Variants in PCDH7 observed in about 807,000 individuals in gnomAD.
The protein encoded by PCDH7 is protocadherin-7.
PCDH7 carries 17 observed loss-of-function variants against 58.9 expected under a neutral mutation model. That is an observed-to-expected ratio of 0.29 (90% confidence interval 0.20 to 0.43). The LOEUF (loss-of-function observed/expected upper bound fraction) is 0.43. PCDH7 is among the 20% of genes least tolerant of loss of function. The pLI is 1.00. For synonymous variants in PCDH7, 664 were observed against 616.4 expected (o/e 1.08, Z -1.14); for missense variants, 1,274 against 1,441.0 (o/e 0.88, Z 1.88).
At chr4:30,908,936 A>G (rs534959110) in intron 1 of PCDH7, among the ~76,000 whole-genome samples, 1 of 152,312 alleles carries the variant, frequency 6.6e-6, no homozygotes, top group South Asian at 2.1e-4. Flanking sequence ...CCTCGATAAA[A>G]TACTGGCAAA....
chr4:30,881,315 C>A (rs550625111), intron 1 of PCDH7, among the ~76,000 whole-genome samples: 1 of 152,068 alleles, frequency 6.6e-6, no homozygotes, highest in African/African-American at 2.4e-5. Flanking sequence ...CGCTGTACTC[C>A]AGCCTGGGTG....
At chr4:30,815,133 C>T (rs975017343) in intron 1 of PCDH7, among the ~76,000 whole-genome samples, 6 of 151,808 alleles carry the variant, frequency 4.0e-5, no homozygotes, top group African/African-American at 1.4e-4. Context: ...TGTATATGTG[C>T]ATGCATATAT....
At chr4:30,817,026 T>A (rs1298142997) in intron 1 of PCDH7, among the ~76,000 whole-genome samples, 1 of 152,274 alleles carries the variant, frequency 6.6e-6, no homozygotes, top group East Asian at 1.9e-4. Context: ...GAGAAGTCAT[T>A]AACAATACCG....
At chr4:31,085,589 G>C in intron 3 of PCDH7, among the ~76,000 whole-genome samples, 1 of 102,158 alleles carries the variant, frequency 9.8e-6, no homozygotes, top group Non-Finnish European at 1.9e-5. Context: ...AGTTAAGTTA[G>C]ATCTCTTTCA....
intron 3 of PCDH7, among the ~76,000 whole-genome samples, chr4:30,962,739 G>A (rs933572389): frequency 1.5e-4 from 20 of 129,752 alleles, no homozygotes; most frequent in African/African-American, 4.9e-4. Flanking sequence ...CCATGATCAC[G>A]CCACTGCAGC....
At chr4:31,072,367 G>A (rs1404525299) in intron 3 of PCDH7, among the ~76,000 whole-genome samples, 4 of 152,092 alleles carry the variant, frequency 2.6e-5, no homozygotes, top group Non-Finnish European at 4.4e-5. Flanking sequence ...TAAAGAGCCT[G>A]TAAATGTATA....
chr4:30,812,821 T>C (rs1214759158), intron 1 of PCDH7, among the ~76,000 whole-genome samples: 2 of 152,234 alleles, frequency 1.3e-5, no homozygotes, highest in Non-Finnish European at 2.9e-5. Context: ...ATAAAAGCTG[T>C]AGTGAATAGT....
chr4:30,938,481 TAC>T (rs35485597), intron 2 of PCDH7, among the ~76,000 whole-genome samples: 70,399 of 148,424 alleles, frequency 0.47, 16,586 homozygotes, highest in African/African-American at 0.55. Context: ...GGGAAAAACA[TAC>T]ACACACACAC....
chr4:30,809,255 T>A (rs1726666228), intron 1 of PCDH7, among the ~76,000 whole-genome samples: 1 of 152,184 alleles, frequency 6.6e-6, no homozygotes. Flanking sequence ...CTGGATAGCA[T>A]TATCAAATCG....
intron 3 of PCDH7, among the ~76,000 whole-genome samples, chr4:30,979,108 C>T (rs562573818): frequency 4.6e-5 from 7 of 151,874 alleles, no homozygotes; most frequent in African/African-American, 1.7e-4. Context: ...AGGCAGATCA[C>T]GAGGTCAGGA....
chr4:30,840,437 G>A (rs1731062024), intron 1 of PCDH7, among the ~76,000 whole-genome samples: 1 of 152,000 alleles, frequency 6.6e-6, no homozygotes, highest in South Asian at 2.1e-4. Flanking sequence ...TCCCCTCTTT[G>A]CCTTATTACG....
intron 3 of PCDH7, among the ~76,000 whole-genome samples, chr4:31,005,747 A>G (rs1253492949): frequency 6.6e-6 from 1 of 152,210 alleles, no homozygotes; most frequent in Non-Finnish European, 1.5e-5. Context: ...GTATAGGTCC[A>G]GTGTGGTCAC....
At position 30,878,828 on chromosome 4, in the gene PCDH7, A is replaced by G. The variant is rs571129791; in HGVS notation, c.71-41325A>G. Among the ~76,000 whole-genome samples, 27 of 152,110 alleles carry G rather than the reference A, an allele frequency of 1.8e-4. No individual in the cohort carries two copies. The East Asian group carries it at 4.1e-3, about 23-fold the overall frequency. ...TTGTGCCATTGCACTCCAGCCTGGG[A>G]GACAAGTGTGAAACTCTGTCTCAAA... On this transcript the variant is annotated intron_variant, in intron 1 of 3. Transcript: ENST00000509759.
Position 30,722,393 on chromosome 4 carries a change from G to T in PCDH7, c.971G>T (p.Gly324Val), listed in dbSNP as rs1379225981. 1 of 1,612,634 alleles carries T rather than the reference G, an allele frequency of 6.2e-7. No homozygotes were observed. The change falls in exon 1 of 2, where the codon GGG becomes GTG. Residue 324 changes from glycine (G) to valine (V), a missense_variant. Coordinates refer to ENST00000361762, the Ensembl canonical transcript of PCDH7. This position sits in a 1 kb window ranked among gnomAD's most constrained non-coding sequence, Gnocchi z 7.6. ...GACTTGGCTGAGAACAGCGCCCCGG[G>T]GACCCCCATCCTGCAACTGCGCGCA...
intron 3 of PCDH7, among the ~76,000 whole-genome samples, chr4:30,986,485 A>G (rs1226733331): frequency 6.6e-6 from 1 of 152,164 alleles, no homozygotes; most frequent in Non-Finnish European, 1.5e-5. Context: ...TATTATATAG[A>G]TATTGTAGCA....
At chr4:30,911,835 C>T (rs1442023832) in intron 1 of PCDH7, among the ~76,000 whole-genome samples, 1 of 151,754 alleles carries the variant, frequency 6.6e-6, no homozygotes, top group African/African-American at 2.4e-5. Context: ...CGAAAAGTGA[C>T]AACATAAATG....
chr4:30,939,050 C>T (rs1235077874), intron 2 of PCDH7, among the ~76,000 whole-genome samples: 2 of 152,046 alleles, frequency 1.3e-5, no homozygotes. Flanking sequence ...TTCTAAATGT[C>T]CTTTACACCT....
chr4:31,105,955 C>G (rs915232086), intron 3 of PCDH7, among the ~76,000 whole-genome samples: 1 of 150,658 alleles, frequency 6.6e-6, no homozygotes, highest in East Asian at 1.9e-4. Context: ...TGCAGTGAGC[C>G]GTAATCGCGC....
intron 3 of PCDH7, among the ~76,000 whole-genome samples, chr4:31,024,814 T>C (rs1357998327): frequency 6.6e-6 from 1 of 152,166 alleles, no homozygotes; most frequent in African/African-American, 2.4e-5. Context: ...CGATCTCCAC[T>C]CGCTGCAACC....
Sources: allele counts gnomAD v4.1 joint callset (sites outside exome capture counted in the v4.1 genomes callset), GRCh38; gene constraint gnomAD v4.1.1; non-coding constraint Gnocchi (gnomAD v3.1); transcripts MANE v1.5; gene names NCBI Gene and HGNC (gene_info 2026-07-23, HGNC 2026-07-21).